The following NAV2 variants were observed in gnomAD, a reference collection of about 807,000 sequenced individuals.
NAV2 encodes helicase, APC down-regulated 1.
Under a neutral mutation model 223.2 loss-of-function variants are expected in NAV2, and 54 were observed. The observed-to-expected ratio is 0.24, with a 90% CI of 0.19 to 0.30. NAV2 has a LOEUF of 0.30. NAV2 is among the 10% of genes least tolerant of loss of function. The probability of loss-of-function intolerance (pLI) is 1.00; values close to 1 mark genes in which losing one functional copy is unlikely to be tolerated. For synonymous variants in NAV2, 1,279 were observed against 1,239.3 expected, an observed-to-expected ratio of 1.03 and a Z score of -0.67; for missense variants, 2,806 against 3,147.5, an observed-to-expected ratio of 0.89 and a Z score of 2.60.
intron 1 of NAV2, among the ~76,000 whole-genome samples, chr11:19,379,369 A>C (rs998649108): frequency 6.6e-5 from 10 of 152,174 alleles, no homozygotes; most frequent in Non-Finnish European, 1.5e-4. Flanking sequence ...CTTGGGAGCA[A>C]GGGGGTGGTT....
chr11:19,882,855 C>T (rs1268145136), intron 5 of NAV2, among the ~76,000 whole-genome samples: 1 of 152,164 alleles, frequency 6.6e-6, no homozygotes, highest in African/African-American at 2.4e-5. Context: ...TCATCTTGCC[C>T]AGGTTGGGTT....
At chr11:19,637,644 G>A (rs955797297) in intron 1 of NAV2, among the ~76,000 whole-genome samples, 2 of 152,244 alleles carry the variant, frequency 1.3e-5, no homozygotes, top group Admixed American at 6.5e-5. Context: ...CAAAGGGAGA[G>A]CAGGCATCTC....
Position 20,073,851 on chromosome 11 carries a change from C to G in NAV2, c.4984-3701C>G, listed in dbSNP as rs544133758. 7.4e-4 allele frequency among the ~76,000 whole-genome samples: 113 copies of G among 152,204 alleles called. 2 individuals carry two copies. In the South Asian group the frequency reaches 0.022, roughly 30 times the overall value. On this transcript the variant is annotated intron_variant, in intron 22 of 37. Coordinates refer to ENST00000349880, the MANE Select transcript of NAV2 (RefSeq NM_145117.5). Reference sequence around the variant, plus strand: ...TTTTCTTCTGTATTAGTCTGGCTAGCAGTCTATTTTGTTGATCTTTTCAAA... The same window carrying G: ...TTTTCTTCTGTATTAGTCTGGCTAGGAGTCTATTTTGTTGATCTTTTCAAA...
At chr11:19,941,244 G>A (rs2046375992) in intron 8 of NAV2, among the ~76,000 whole-genome samples, 2 of 152,086 alleles carry the variant, frequency 1.3e-5, no homozygotes, top group South Asian at 4.2e-4. Context: ...GGCCTTAAGA[G>A]CTCAGAAACC....
chr11:19,812,608 C>T (rs916569446), intron 1 of NAV2, among the ~76,000 whole-genome samples: 1 of 151,960 alleles, frequency 6.6e-6, no homozygotes, highest in East Asian at 1.9e-4. Context: ...GAAGGAAAGA[C>T]CTAAGATGCC....
chr11:19,575,181 C>G (rs1359335421), intron 1 of NAV2: 1 of 153,176 alleles, frequency 6.5e-6, no homozygotes, highest in Non-Finnish European at 1.5e-5. Flanking sequence ...TCCTCAAGGC[C>G]CCTGCCAAAG....
intron 1 of NAV2, among the ~76,000 whole-genome samples, chr11:19,463,174 A>G (rs895340970): frequency 2.0e-5 from 3 of 152,264 alleles, no homozygotes; most frequent in Admixed American, 6.5e-5. Context: ...TTGAGGATTA[A>G]TAATGCAAAT....
chr11:19,612,718 C>T (rs1464832660), intron 1 of NAV2, among the ~76,000 whole-genome samples: 3 of 152,176 alleles, frequency 2.0e-5, no homozygotes, highest in African/African-American at 4.8e-5. Context: ...GCATTTTGGG[C>T]AAAACCATTC....
At chr11:19,926,941 G>C (rs12786324) in intron 6 of NAV2, among the ~76,000 whole-genome samples, 87,278 of 152,038 alleles carry the variant, frequency 0.57, 25,530 homozygotes, top group East Asian at 0.69. Flanking sequence ...GAGAGACCTG[G>C]GGCCAGTGTC....
At chr11:19,472,716 C>T (rs1296205654) in intron 1 of NAV2, among the ~76,000 whole-genome samples, 2 of 152,106 alleles carry the variant, frequency 1.3e-5, no homozygotes, top group African/African-American at 2.4e-5. Flanking sequence ...ATGCTGTTTC[C>T]CCAAGGCTTG....
chr11:20,077,328 G>T (rs566010944), intron 22 of NAV2, among the ~76,000 whole-genome samples: 1 of 152,082 alleles, frequency 6.6e-6, no homozygotes, highest in Non-Finnish European at 1.5e-5. Flanking sequence ...GAGGGGAAAA[G>T]ATGTACAAGG....
At chr11:19,479,014 G>A (rs1052128646) in intron 1 of NAV2, among the ~76,000 whole-genome samples, 5 of 152,318 alleles carry the variant, frequency 3.3e-5, no homozygotes, top group Admixed American at 1.3e-4. Flanking sequence ...AGATTCTACA[G>A]AGGTGGGGTA....
chr11:20,045,034 G>A lies in NAV2; in HGVS notation c.3266G>A (p.Arg1089His), dbSNP rs969849764. ...TCTCCTAAAGCCTCCCAGGTGAAGCGCTCCCCATCAGATGCAGGCCGGAGC... is the reference window on the plus strand; with the variant it reads ...TCTCCTAAAGCCTCCCAGGTGAAGCACTCCCCATCAGATGCAGGCCGGAGC... ...RLSPKASQVKRSPSDAGRSSG... is the reference protein window; with the variant it reads ...RLSPKASQVKHSPSDAGRSSG... Residue 1089 changes from arginine to histidine, a missense_variant, in exon 14 of 38, where the codon CGC becomes CAC. Arg to His is a conservative substitution (Grantham distance 29, BLOSUM62 0). Coordinates refer to ENST00000349880, the MANE Select transcript of NAV2 (RefSeq NM_145117.5). 8.7e-6 allele frequency: 14 copies of A among 1,613,970 alleles called. No individual in the cohort carries two copies. The highest frequency in any genetic ancestry group is 6.7e-5 in the East Asian group (3 of 44,890).
At chr11:19,607,714 A>G (rs2046520072) in intron 1 of NAV2, among the ~76,000 whole-genome samples, 2 of 152,238 alleles carry the variant, frequency 1.3e-5, no homozygotes, top group Admixed American at 1.3e-4. Context: ...AAACAGACTC[A>G]TGGAGCAGGA....
upstream of NAV2, chr11:19,712,088 T>A (rs2049908694): frequency 6.6e-6 from 1 of 152,158 alleles, no homozygotes; most frequent in Non-Finnish European, 1.5e-5. Flanking sequence ...TCGAGGAACC[T>A]GTTGGGGCCA....
intron 1 of NAV2, among the ~76,000 whole-genome samples, chr11:19,480,124 A>G (rs2702719): frequency 0.92 from 139,403 of 152,150 alleles, 65,133 homozygotes; most frequent in East Asian, 1. Context: ...GAAAAAAAGC[A>G]TTGTCAATTC....
intron 22 of NAV2, among the ~76,000 whole-genome samples, chr11:20,072,938 G>A (rs1376578884): frequency 2.0e-5 from 3 of 152,112 alleles, no homozygotes; most frequent in African/African-American, 4.8e-5. Flanking sequence ...TCCTTCTCTT[G>A]CTTGATTGCC....
chr11:19,938,651 C>T (rs1457790278), intron 7 of NAV2, among the ~76,000 whole-genome samples: 1 of 152,144 alleles, frequency 6.6e-6, no homozygotes, highest in Admixed American at 6.5e-5. Context: ...GTGTGAGGTA[C>T]CTGTTTCAAA....
At chr11:19,630,222 A>G (rs1430527438) in intron 1 of NAV2, among the ~76,000 whole-genome samples, 1 of 152,190 alleles carries the variant, frequency 6.6e-6, no homozygotes, top group Admixed American at 6.5e-5. Context: ...AATCTGTGTC[A>G]TCAATATCTC....
Sources: gnomAD v4.1 joint callset for allele counts (sites outside exome capture counted in the v4.1 genomes callset) on GRCh38, gnomAD v4.1.1 for gene constraint, MANE v1.5 for transcripts, NCBI Gene and HGNC (gene_info 2026-07-23, HGNC 2026-07-21) for gene names.